Variants in NEMP1 observed in about 807,000 individuals in gnomAD.
NEMP1 encodes transmembrane protein 194.
Under a neutral mutation model 53.7 loss-of-function variants are expected in NEMP1, and 29 were observed. The observed-to-expected ratio is 0.54, with a 90% CI of 0.40 to 0.74. The LOEUF is 0.74. NEMP1 is among the 30% of genes least tolerant of loss of function. The pLI, the probability that NEMP1 is intolerant of heterozygous loss-of-function variation, is 0.00. For synonymous variants in NEMP1, 193 were observed against 192.9 expected (o/e 1.00, Z 0.00); for missense variants, 477 against 528.6 (o/e 0.90, Z 0.96).
At chr12:57,061,367 T>C (rs768962739) in intron 7 of NEMP1, among the ~76,000 whole-genome samples, 2 of 152,240 alleles carry the variant, frequency 1.3e-5, no homozygotes, top group African/African-American at 2.4e-5. Flanking sequence ...TATTTTCTAG[T>C]AGATGGGAAA....
chr12:57,065,521 CTTT>C (rs548466246), intron 4 of NEMP1, among the ~76,000 whole-genome samples: 16 of 134,936 alleles, frequency 1.2e-4, no homozygotes, highest in African/African-American at 1.7e-4. Context: ...CTTGGTTCAT[CTTT>C]TTTTTTTTTT....
intron 7 of NEMP1, 37 bp from the exon 8 acceptor site, chr12:57,060,982 A>C: frequency 6.2e-7 from 1 of 1,600,274 alleles, no homozygotes; most frequent in African/African-American, 1.3e-5. Flanking sequence ...ATCATTAATC[A>C]GTAATCTATA....
intron 4 of NEMP1, among the ~76,000 whole-genome samples, chr12:57,066,978 C>T (rs1278477765): frequency 6.6e-6 from 1 of 152,196 alleles, no homozygotes; most frequent in African/African-American, 2.4e-5. Context: ...GTCCATTAAA[C>T]TTCTTTTTCT....
intron 1 of NEMP1, among the ~76,000 whole-genome samples, chr12:57,076,165 TACCACAAA>T (rs779434647): frequency 0.023 from 3,431 of 152,216 alleles, 62 homozygotes; most frequent in Non-Finnish European, 0.035. Context: ...AAACTAGAAA[TACCACAAA>T]TATCCAACCA....
At position 57,059,171 on chromosome 12, in the gene NEMP1, G is replaced by A. The variant is rs1238007292; in HGVS notation, c.*708C>T. On this transcript the variant is annotated 3_prime_UTR_variant, in exon 9 of 9. Transcript: ENST00000300128. ...AAGAGCCTACAGGCATGTTCCTAAAGGCAAATAGGACTTTCTATCATATGT... is the reference window on the plus strand; with the variant it reads ...AAGAGCCTACAGGCATGTTCCTAAAAGCAAATAGGACTTTCTATCATATGT... The A allele has an allele frequency of 6.6e-6, 1 of 152,124 alleles. No individual in the cohort carries two copies. The highest frequency in any genetic ancestry group is 1.5e-5 in the Non-Finnish European group (1 of 68,038). 9.4% of individuals were successfully genotyped at this position (152,124 alleles called of 1,614,324 possible). A position where few individuals can be genotyped will look rare whatever the true frequency, so the allele number is the denominator to read the frequency against.
chr12:57,065,133 C>T (rs2032010257), intron 4 of NEMP1, among the ~76,000 whole-genome samples: 1 of 152,200 alleles, frequency 6.6e-6, no homozygotes, highest in African/African-American at 2.4e-5. Context: ...ATGTTGATGG[C>T]TGTTGACTGA....
intron 7 of NEMP1, among the ~76,000 whole-genome samples, chr12:57,061,693 C>CAAA (rs35332826): frequency 2.2e-4 from 20 of 89,574 alleles, no homozygotes; most frequent in African/African-American, 4.0e-4. Context: ...AACTCCATCT[C>CAAA]AAAAAAAAAA....
rs562939672 is a variant in NEMP1, at chr12:57,064,248, C to T, written c.640-63G>A. ...ACAGGCTTTCCATACATAAAAGAAGCAAAATGGAACTATGATTTTTTTTTT... is the reference window on the plus strand; with the variant it reads ...ACAGGCTTTCCATACATAAAAGAAGTAAAATGGAACTATGATTTTTTTTTT... On this transcript the variant is annotated intron_variant, in intron 5 of 8. Transcript: ENST00000300128. The T allele has an allele frequency of 2.4e-5, 23 of 971,962 alleles. No individual in the cohort carries two copies. In the South Asian group the frequency reaches 2.8e-4, roughly 12 times the overall value. The allele number at this position is 971,962 out of a possible 1,614,324, so 60.2% of individuals were successfully genotyped here. A position where few individuals can be genotyped will look rare whatever the true frequency, so the allele number is the denominator to read the frequency against.
chr12:57,078,836 G>T (rs1052759717), upstream of NEMP1: 14 of 1,443,556 alleles, frequency 9.7e-6, no homozygotes, highest in Admixed American at 6.3e-5. Flanking sequence ...TACGAAACCC[G>T]CCCCTATCAA....
intron 4 of NEMP1, among the ~76,000 whole-genome samples, chr12:57,066,702 T>C (rs1296710286): frequency 2.0e-5 from 3 of 152,252 alleles, no homozygotes; most frequent in Admixed American, 2.0e-4. Context: ...GGTTTGGCTG[T>C]GTCCCCACCC....
In NEMP1 at chr12:57,056,614, A is replaced by G. The variant is rs1042060795; in HGVS notation, c.*3265T>C. ...CCTTTCACTACTCAATTCAAAGAAA[A>G]GTTATGAGTACACAGCTAGGAACCA... On this transcript the variant is annotated 3_prime_UTR_variant, in exon 9 of 9. Coordinates refer to ENST00000300128, the MANE Select transcript of NEMP1 (RefSeq NM_001130963.2). 6.6e-6 allele frequency: 1 copy of G among 152,134 alleles called. No homozygotes were observed. The highest frequency in any genetic ancestry group is 1.5e-5 in the Non-Finnish European group (1 of 68,024). 9.4% of individuals were successfully genotyped at this position (152,134 alleles called of 1,614,324 possible). A position where few individuals can be genotyped will look rare whatever the true frequency, so the allele number is the denominator to read the frequency against.
chr12:57,076,391 T>C (rs2032622118), intron 1 of NEMP1, among the ~76,000 whole-genome samples: 1 of 152,052 alleles, frequency 6.6e-6, no homozygotes, highest in South Asian at 2.1e-4. Flanking sequence ...AGGCCAGGCA[T>C]GGTGGCTCAC....
In NEMP1 at chr12:57,074,753, CTCAATT is replaced by C. The variant is rs1304960944; in HGVS notation, c.128-1847_128-1842del. ...ATTTACCAAAACAGAAGATTCTCCT[CTCAATT>C]TGTATTTAATATCAGCTAATTCAAG... On this transcript the variant is annotated intron_variant, in intron 1 of 8. Coordinates refer to ENST00000300128, the MANE Select transcript of NEMP1 (RefSeq NM_001130963.2). 2.0e-5 allele frequency among the ~76,000 whole-genome samples: 3 copies of C among 152,204 alleles called. No homozygotes were observed. The East Asian group carries it at 5.8e-4, about 29-fold the overall frequency.
At position 57,060,008 on chromosome 12, in the gene NEMP1, A is replaced by G; in HGVS notation, c.1206T>C (p.Ser402=). 2 of 1,614,124 alleles carry G rather than the reference A, an allele frequency of 1.2e-6. No individual in the cohort carries two copies. Among genetic ancestry groups the G allele is most frequent in the South Asian group, 1.1e-5 (1 of 91,076 alleles). ...GSSHLTPNEV[S]VHEQEYGLGS... ...CTAATCCATACTCCTGCTCATGGACAGAAACTTCATTTGGCGTGAGGTGGG... is the reference window on the plus strand; with the variant it reads ...CTAATCCATACTCCTGCTCATGGACGGAAACTTCATTTGGCGTGAGGTGGG... Residue 402 remains serine, a synonymous_variant, in exon 9 of 9, where the codon TCT becomes TCC. Transcript: ENST00000300128.
Position 57,057,581 on chromosome 12 carries a change from T to A in NEMP1, c.*2298A>T, listed in dbSNP as rs529111559. On this transcript the variant is annotated 3_prime_UTR_variant, in exon 9 of 9. Transcript: ENST00000300128. The stretch of plus-strand genomic sequence containing the variant: ...CAGAGCAGCACCGTCCTTCACTGTG[T>A]GAGAGCAACTCTCAGGCTGCAGAAC... 6.6e-5 allele frequency: 10 copies of A among 152,478 alleles called. No individual in the cohort carries two copies. In the East Asian group the frequency reaches 1.9e-3, roughly 29 times the overall value. 9.4% of individuals were successfully genotyped at this position (152,478 alleles called of 1,614,324 possible). A position where few individuals can be genotyped will look rare whatever the true frequency, so the allele number is the denominator to read the frequency against.
intron 2 of NEMP1, among the ~76,000 whole-genome samples, 177 bp downstream of exon 2, chr12:57,072,611 C>G (rs948448037): frequency 4.5e-4 from 68 of 152,076 alleles, no homozygotes; most frequent in African/African-American, 1.5e-3. Flanking sequence ...GAGAGGAATA[C>G]AAAGTAGGCA....
chr12:57,058,607 G>A lies in NEMP1; in HGVS notation c.*1272C>T, dbSNP rs1317688605. ...GCAATAACAGGCAGCATACATCTCA[G>A]GTCAGAAACGCAATCATAAATAAGT... On this transcript the variant is annotated 3_prime_UTR_variant, in exon 9 of 9. Transcript: ENST00000300128. 1 of 152,194 alleles carries A rather than the reference G, an allele frequency of 6.6e-6. No homozygotes were observed. Among genetic ancestry groups the A allele is most frequent in the Non-Finnish European group, 1.5e-5 (1 of 68,038 alleles). The allele number at this position is 152,194 out of a possible 1,614,324, so 9.4% of individuals were successfully genotyped here.
rs750362758 is a variant in NEMP1 at position 57,060,798 on chromosome 12, A to G, written c.1128T>C (p.Thr376=). 2 of 1,612,544 alleles carry G rather than the reference A, an allele frequency of 1.2e-6. No homozygotes were observed. The highest frequency in any genetic ancestry group is 2.2e-5 in the South Asian group (2 of 90,640). The part of the protein sequence containing the change: ...CNSPDCSAWK[T]VSRIQSPKRF... ...TTTTTGGAGACTGGATTCGAGAAAC[A>G]GTCTTCCAAGCAGAGCAGTCTGGAC... Residue 376 remains threonine (T), a synonymous_variant, in exon 8 of 9, where the codon ACT becomes ACC. Transcript: ENST00000300128.
At chr12:57,086,751 C>T (rs1565670307) in intron 1 of NEMP1, among the ~76,000 whole-genome samples, 1 of 151,964 alleles carries the variant, frequency 6.6e-6, no homozygotes, top group African/African-American at 2.4e-5. Context: ...TCTGGCGGGC[C>T]CTGACAAGTC....
Sources: gnomAD v4.1 joint callset for allele counts (sites outside exome capture counted in the v4.1 genomes callset) on GRCh38, gnomAD v4.1.1 for gene constraint, MANE v1.5 for transcripts, NCBI Gene and HGNC (gene_info 2026-07-23, HGNC 2026-07-21) for gene names.